UGT2B7: variants seen among roughly 807,000 people sequenced by gnomAD.
The protein encoded by UGT2B7 is UDP-glucuronosyltransferase 2B7.
UGT2B7 carries 51 observed loss-of-function variants against 51.9 expected under a neutral mutation model. The observed-to-expected ratio is 0.98, with a 90% confidence interval of 0.78 to 1.24. The LOEUF (loss-of-function observed/expected upper bound fraction) is 1.24, where lower values mean the gene tolerates loss of function less well. UGT2B7 is among the 50% of genes most tolerant of loss of function. The pLI is 0.00. For synonymous variants in UGT2B7, 225 were observed against 211.6 expected (o/e 1.06, Z -0.55); for missense variants, 727 against 628.4 (o/e 1.16, Z -1.68).
chr4:69,090,381 T>TA (rs1366488761), intron 2 of UGT2B7, among the ~76,000 whole-genome samples: 6 of 151,988 alleles, frequency 3.9e-5, no homozygotes, highest in African/African-American at 1.2e-4. Flanking sequence ...AGCTTTCCCA[T>TA]AAAAAACAAA....
chr4:69,075,394 T>C (rs1158843846), intron 1 of UGT2B7, among the ~76,000 whole-genome samples: 1 of 152,108 alleles, frequency 6.6e-6, no homozygotes, highest in African/African-American at 2.4e-5. Flanking sequence ...CCTTTTCCTC[T>C]CTTTCTCTCT....
chr4:69,088,387 G>T, intron 1 of UGT2B7, among the ~76,000 whole-genome samples: 1 of 151,262 alleles, frequency 6.6e-6, no homozygotes, highest in Non-Finnish European at 1.5e-5. Flanking sequence ...TGTGATTTCT[G>T]AACTTTTAAA....
intron 2 of UGT2B7, among the ~76,000 whole-genome samples, chr4:69,099,183 T>G (rs953295774): frequency 6.7e-6 from 1 of 149,648 alleles, no homozygotes; most frequent in Non-Finnish European, 1.5e-5. Flanking sequence ...GAAAGTATCC[T>G]GCAGTCACTG....
upstream of UGT2B7, among the ~76,000 whole-genome samples, chr4:69,095,323 G>C (rs538397470): frequency 6.6e-6 from 1 of 152,116 alleles, no homozygotes; most frequent in African/African-American, 2.4e-5. Context: ...GGGTAATAGG[G>C]TAAAGTCATC....
intron 1 of UGT2B7, among the ~76,000 whole-genome samples, chr4:69,055,036 AC>A (rs1489898571): frequency 6.9e-6 from 1 of 144,432 alleles, no homozygotes; most frequent in Non-Finnish European, 1.5e-5. Context: ...GTTATGACTC[AC>A]TGTAAGCCTC....
At chr4:69,104,390 G>A (rs1282572208) in intron 3 of UGT2B7, among the ~76,000 whole-genome samples, 2 of 151,912 alleles carry the variant, frequency 1.3e-5, no homozygotes, top group Non-Finnish European at 2.9e-5. Flanking sequence ...TCAACATAGG[G>A]AACAAACTTT....
upstream of UGT2B7, among the ~76,000 whole-genome samples, chr4:69,092,975 A>C (rs901428306): frequency 1.3e-5 from 2 of 152,084 alleles, no homozygotes; most frequent in African/African-American, 4.8e-5. Flanking sequence ...AAAAAAAAAA[A>C]AAACAATATT....
intron 3 of UGT2B7, among the ~76,000 whole-genome samples, 187 bp downstream of exon 3, chr4:69,103,125 T>C (rs552137635): frequency 2.6e-5 from 4 of 152,036 alleles, no homozygotes; most frequent in African/African-American, 7.2e-5. Flanking sequence ...TTAAATGGTG[T>C]TAAGTATGAA....
chr4:69,085,921 A>G (rs1393354001), intron 1 of UGT2B7, among the ~76,000 whole-genome samples: 1 of 151,560 alleles, frequency 6.6e-6, no homozygotes, highest in African/African-American at 2.4e-5. Flanking sequence ...TTTTGTAGTT[A>G]ACTTAGCTGA....
intron 1 of UGT2B7, among the ~76,000 whole-genome samples, chr4:69,082,857 A>G (rs1403363560): frequency 6.6e-6 from 1 of 152,108 alleles, no homozygotes; most frequent in Non-Finnish European, 1.5e-5. Flanking sequence ...TGAGACTTTG[A>G]TAGCTAAAGA....
intron 1 of UGT2B7, among the ~76,000 whole-genome samples, chr4:69,073,137 G>A (rs1718634988): frequency 6.6e-6 from 1 of 152,080 alleles, no homozygotes; most frequent in African/African-American, 2.4e-5. Flanking sequence ...GACTTGGTTA[G>A]AGGGAGTTTT....
intron 4 of UGT2B7, 142 bp downstream of exon 4, chr4:69,107,404 G>A (rs1719635309): frequency 1.0e-6 from 1 of 984,138 alleles, no homozygotes; most frequent in Non-Finnish European, 1.4e-6. Context: ...CAGTCTTAAG[G>A]GAGAAAGAAT....
At position 69,083,181 on chromosome 4, in the gene UGT2B7, T is replaced by C. The variant is rs142923124; in HGVS notation, c.-158-6291T>C. On this transcript the variant is annotated intron_variant, in intron 1 of 5. Transcript: ENST00000502942. ...TATTACTGCTTAATGAAAATGCACA[T>C]GGACACCCAAAAGTTCTGATAGGAA... is the stretch of plus-strand genomic sequence containing the variant. 6.1e-3 allele frequency among the ~76,000 whole-genome samples: 930 copies of C among 152,246 alleles called. 10 individuals carry two copies. The highest frequency in any genetic ancestry group is 0.021 in the African/African-American group (872 of 41,576).
chr4:69,060,582 C>T (rs932566764), intron 1 of UGT2B7, among the ~76,000 whole-genome samples: 40 of 152,268 alleles, frequency 2.6e-4, no homozygotes, highest in South Asian at 2.1e-4. Flanking sequence ...AGGGAATGGC[C>T]GTAAGAGTTC....
intron 1 of UGT2B7, among the ~76,000 whole-genome samples, chr4:69,061,850 A>T (rs1404670420): frequency 6.6e-6 from 1 of 152,082 alleles, no homozygotes; most frequent in Non-Finnish European, 1.5e-5. Context: ...ACTTCTCCGA[A>T]TTGCCCCAAG....
rs371793369 is a variant in UGT2B7, at chr4:69,112,483, C to T, written c.1337C>T (p.Ser446Leu). The T allele has an allele frequency of 1.2e-4, 195 of 1,613,440 alleles. No individual in the cohort carries two copies. The highest frequency in any genetic ancestry group is 2.3e-4 in the Admixed American group (14 of 59,934). Residue 446 changes from serine (S) to leucine (L), a missense_variant, in exon 6 of 6, where the codon TCA becomes TTA. By Grantham distance (145) the Ser-to-Leu change is moderately radical. Coordinates refer to ENST00000305231, the MANE Select transcript of UGT2B7 (RefSeq NM_001074.4). ...TATAAAGAGAATGTTATGAAATTAT[C>T]AAGAATTCAACATGATCAACCAGTG... ...PSYKENVMKL[S>L]RIQHDQPVKP...
In UGT2B7 at chr4:69,064,106, GAAAGAAAA is replaced by G. The variant is rs1560499795; in HGVS notation, c.-159+12506_-159+12513del. Among the ~76,000 whole-genome samples the G allele has an allele frequency of 3.1e-3, 366 of 118,296 alleles. 12 individuals carry two copies. Among genetic ancestry groups the G allele is most frequent in the African/African-American group, 0.013 (350 of 26,536 alleles). 77.6% of individuals were successfully genotyped at this position (118,296 alleles called of 152,430 possible). A position where few individuals can be genotyped will look rare whatever the true frequency, so the allele number is the denominator to read the frequency against. ...AAAGAAAGAAAGAAAGAGAAAGAAA[GAAAGAAAA>G]AGAAAGAAAGAAAGAAAGAAAGAAA... On this transcript the variant is annotated intron_variant, in intron 1 of 5. Coordinates refer to the UGT2B7 transcript ENST00000502942.
chr4:69,073,869 G>A (rs960853826), intron 1 of UGT2B7, among the ~76,000 whole-genome samples: 1 of 152,090 alleles, frequency 6.6e-6, no homozygotes, highest in Admixed American at 6.6e-5. Context: ...GGCTCTATCA[G>A]TCAAGCATTT....
rs112352348 is a variant in UGT2B7 at position 69,098,641 on chromosome 4, G to T, written c.823G>T (p.Asp275Tyr). ...TCCATATCCACTCTTACCAAATGTT[G>T]ATTTTGTTGGAGGACTCCACTGCAA... ...QFPYPLLPNV[D>Y]FVGGLHCKPA... is the part of the protein sequence containing the mutation. Residue 275 changes from aspartate (D) to tyrosine (Y), a missense_variant, in exon 2 of 6, where the codon GAT (aspartate) becomes TAT (tyrosine). Asp to Tyr is a radical substitution (Grantham distance 160). Transcript: ENST00000305231. 2 of 1,612,124 alleles carry T rather than the reference G, an allele frequency of 1.2e-6. No homozygotes were observed. The highest frequency in any genetic ancestry group is 1.3e-5 in the African/African-American group (1 of 74,788).
Sources: allele counts gnomAD v4.1 joint callset (sites outside exome capture counted in the v4.1 genomes callset), GRCh38; gene constraint gnomAD v4.1.1; transcripts MANE v1.5; gene names NCBI Gene and HGNC (gene_info 2026-07-23, HGNC 2026-07-21).